NRG1: variants seen among roughly 807,000 people sequenced by gnomAD.
NRG1 encodes pro-neuregulin-1, membrane-bound isoform.
NRG1 carries 18 observed loss-of-function variants against 63.8 expected under a neutral mutation model. The observed-to-expected ratio is 0.28, with a 90% confidence interval of 0.19 to 0.42. The LOEUF (loss-of-function observed/expected upper bound fraction) is 0.42. Ranked by LOEUF, NRG1 falls within the 10% of genes least tolerant of loss-of-function variation. The pLI is 1.00. For missense variants in NRG1, 762 were observed against 814.7 expected, an observed-to-expected ratio of 0.94 and a Z score of 0.79; for synonymous variants, 302 against 301.3, an observed-to-expected ratio of 1.00 and a Z score of -0.02.
In NRG1 at chr8:32,326,867, T is replaced by G. The variant is rs186614658; in HGVS notation, c.38-268961T>G. On this transcript the variant is annotated intron_variant, in intron 1 of 10. Coordinates refer to the NRG1 transcript ENST00000519301. The stretch of plus-strand genomic sequence containing the variant: ...CCATAAATAAGAGGTTATTTAAAAT[T>G]AAAAAAACCTATGCTCAAGCAATAT... Among the ~76,000 whole-genome samples the G allele has an allele frequency of 2.3e-3, 354 of 152,210 alleles. 1 individual carries two copies. Among genetic ancestry groups the G allele is most frequent in the African/African-American group, 8.0e-3 (332 of 41,524 alleles).
chr8:31,798,442 G>A (rs1457664891), intron 1 of NRG1, among the ~76,000 whole-genome samples: 1 of 152,094 alleles, frequency 6.6e-6, no homozygotes, highest in Non-Finnish European at 1.5e-5. Flanking sequence ...TTGCTGTCTT[G>A]CATTGTTCCC....
chr8:31,820,002 A>G (rs544315465), intron 1 of NRG1, among the ~76,000 whole-genome samples: 1 of 152,280 alleles, frequency 6.6e-6, no homozygotes, highest in African/African-American at 2.4e-5. Flanking sequence ...AATAAACCGT[A>G]TTTGCAAGAT....
chr8:32,312,330 A>ATTTTTTTTTTTTT (rs4035492), intron 1 of NRG1, among the ~76,000 whole-genome samples: 1 of 89,196 alleles, frequency 1.1e-5, no homozygotes, highest in Admixed American at 1.3e-4. Context: ...TGCCCAGCTA[A>ATTTTTTTTTTTTT]TTTTTTTTTT....
At chr8:32,345,635 A>G (rs1018366572) in intron 1 of NRG1, among the ~76,000 whole-genome samples, 2 of 152,196 alleles carry the variant, frequency 1.3e-5, no homozygotes, top group African/African-American at 4.8e-5. Flanking sequence ...TTTACATTTG[A>G]AGTAGGATTA....
chr8:32,137,178 G>A (rs1041967623), intron 1 of NRG1, among the ~76,000 whole-genome samples: 5 of 152,100 alleles, frequency 3.3e-5, no homozygotes, highest in African/African-American at 1.2e-4. Flanking sequence ...TGGCATGGTG[G>A]CTCATGCCTG....
intron 1 of NRG1, among the ~76,000 whole-genome samples, chr8:31,662,333 A>G (rs1218621512): frequency 6.6e-6 from 1 of 152,236 alleles, no homozygotes; most frequent in Admixed American, 6.5e-5. Flanking sequence ...CTGAAAATGA[A>G]CTGTCCTTAA....
intron 3 of NRG1, among the ~76,000 whole-genome samples, chr8:32,610,596 T>A (rs1395799700): frequency 6.6e-6 from 1 of 152,148 alleles, no homozygotes; most frequent in Admixed American, 6.6e-5. Flanking sequence ...GTGGCCATAC[T>A]TATACTGTTT....
chr8:32,057,019 C>G (rs1385771962), intron 1 of NRG1, among the ~76,000 whole-genome samples: 1 of 152,118 alleles, frequency 6.6e-6, no homozygotes, highest in African/African-American at 2.4e-5. Context: ...ATCACCTACC[C>G]TACAATTAAC....
At chr8:31,823,786 A>G (rs964180244) in intron 1 of NRG1, among the ~76,000 whole-genome samples, 1 of 152,208 alleles carries the variant, frequency 6.6e-6, no homozygotes, top group Admixed American at 6.5e-5. Context: ...CACTTATGTT[A>G]TCTTATTTAA....
intron 1 of NRG1, among the ~76,000 whole-genome samples, chr8:32,013,494 A>G (rs1004964448): frequency 2.0e-5 from 3 of 152,134 alleles, no homozygotes; most frequent in African/African-American, 7.2e-5. Flanking sequence ...AATAAAATAC[A>G]AAGGTGATAA....
chr8:32,658,792 A>G (rs1476075374), intron 5 of NRG1, among the ~76,000 whole-genome samples: 2 of 152,244 alleles, frequency 1.3e-5, no homozygotes, highest in Non-Finnish European at 2.9e-5. Flanking sequence ...GGTCTCCTGC[A>G]GGTTTAAAAG....
intron 1 of NRG1, among the ~76,000 whole-genome samples, chr8:32,482,733 G>A (rs1464572198): frequency 2.0e-5 from 3 of 152,122 alleles, no homozygotes; most frequent in Non-Finnish European, 4.4e-5. Context: ...ACAGGCAGAT[G>A]GACTCAAGGT....
At chr8:32,699,572 T>G (rs1171736368) in intron 5 of NRG1, among the ~76,000 whole-genome samples, 1 of 152,202 alleles carries the variant, frequency 6.6e-6, no homozygotes, top group Non-Finnish European at 1.5e-5. Context: ...ATATTAAGAC[T>G]TTAAAAGAAT....
chr8:32,202,490 G>A (rs766730550), intron 1 of NRG1, among the ~76,000 whole-genome samples: 5 of 152,146 alleles, frequency 3.3e-5, no homozygotes, highest in Non-Finnish European at 5.9e-5. Context: ...GATGGCTTAA[G>A]TGTTAAACAG....
intron 1 of NRG1, among the ~76,000 whole-genome samples, chr8:31,677,667 C>G (rs1807866173): frequency 6.6e-6 from 1 of 152,124 alleles, no homozygotes; most frequent in Non-Finnish European, 1.5e-5. Context: ...TGTATTGGAT[C>G]ATTTTCAGAC....
chr8:32,546,520 C>T (rs1399768650), upstream of NRG1, among the ~76,000 whole-genome samples: 1 of 152,102 alleles, frequency 6.6e-6, no homozygotes, highest in South Asian at 2.1e-4. Context: ...AGCAGTGGCC[C>T]CCTCCTGGGA....
intron 1 of NRG1, among the ~76,000 whole-genome samples, chr8:32,401,591 G>A (rs182430644): frequency 6.6e-6 from 1 of 152,270 alleles, no homozygotes; most frequent in Admixed American, 6.5e-5. Flanking sequence ...GAAGAAACAT[G>A]GATGGAGCTG....
chr8:32,330,325 T>A (rs964939309), intron 1 of NRG1, among the ~76,000 whole-genome samples: 1 of 152,210 alleles, frequency 6.6e-6, no homozygotes, highest in Admixed American at 6.5e-5. Flanking sequence ...AATGGCTTAA[T>A]TTTTTAGTGA....
In NRG1 at chr8:31,889,243, G is replaced by C. The variant is rs1585527204; in HGVS notation, c.37+249812G>C. Among the ~76,000 whole-genome samples the C allele has an allele frequency of 1.1e-4, 17 of 152,190 alleles. No individual in the cohort carries two copies. The South Asian group carries it at 3.3e-3, about 30-fold the overall frequency. ...TCCTTGATGTCTTTATAAATACATT[G>C]TTTACAGTTTTTATTCTCCTCCATA... On this transcript the variant is annotated intron_variant, in intron 1 of 10. Coordinates refer to the NRG1 transcript ENST00000519301.
Sources: allele counts gnomAD v4.1 joint callset (sites outside exome capture counted in the v4.1 genomes callset), GRCh38; gene constraint gnomAD v4.1.1; transcripts MANE v1.5; gene names NCBI Gene and HGNC (gene_info 2026-07-23, HGNC 2026-07-21).